The following KCNH2 variants were observed in gnomAD, a reference collection of about 807,000 sequenced individuals.
The protein encoded by KCNH2 is potassium voltage-gated channel subfamily H member 2.
A neutral mutation model predicts 95.9 loss-of-function variants in KCNH2; 35 were observed. The observed-to-expected ratio is 0.37, with a 90% CI of 0.28 to 0.48. KCNH2 has a LOEUF of 0.48. Among genes scored for constraint, KCNH2 ranks in the 20% least tolerant of loss-of-function variants. The pLI is 0.99. For missense variants in KCNH2, 1,274 were observed against 1,702.9 expected (o/e 0.75, Z 4.43); for synonymous variants, 786 against 754.7 (o/e 1.04, Z -0.68).
Position 150,945,427 on chromosome 7 carries a change from C to T in KCNH2, c.3418G>A (p.Gly1140Ser). 2 of 1,575,726 alleles carry T rather than the reference C, an allele frequency of 1.3e-6. No individual in the cohort carries two copies. Among genetic ancestry groups the T allele is most frequent in the Non-Finnish European group, 1.7e-6 (2 of 1,160,790 alleles). The part of the protein sequence containing the change: ...EGPTRRLSLP[G>S]QLGALTSQPL... The stretch of plus-strand genomic sequence containing the variant: ...TGGGAGGTGAGGGCCCCCAGCTGGC[C>T]CGGTAGGGAGAGGCGTCGTGTGGGG... Residue 1140 changes from glycine (G) to serine (S), a missense_variant, in exon 15 of 15, where the codon GGC (glycine) becomes AGC (serine). Physicochemically the swap from Gly to Ser is moderately conservative, Grantham distance 56 (BLOSUM62 0). Coordinates refer to ENST00000262186, the MANE Select transcript of KCNH2 (RefSeq NM_000238.4). The surrounding 1 kb of genome is among the most constrained non-coding windows in gnomAD (Gnocchi z 5.6).
Position 150,950,070 on chromosome 7 carries a change from C to T in KCNH2, c.2398+98G>A, listed in dbSNP as rs545247794. 21 of 1,612,718 alleles carry T rather than the reference C, an allele frequency of 1.3e-5. No homozygotes were observed. In the South Asian group the frequency reaches 2.2e-4, roughly 17 times the overall value. On this transcript the variant is annotated intron_variant, in intron 9 of 14. Coordinates refer to ENST00000262186, the MANE Select transcript of KCNH2 (RefSeq NM_000238.4). ...GAGCCCAGTGACCCTGCAGGCAGTC[C>T]CAGGTCCACAGCCCCAGTGACTGCA...
At position 150,958,348 on chromosome 7, in the gene KCNH2, C is replaced by T; in HGVS notation, c.627G>A (p.Ser209=). The T allele has an allele frequency of 6.7e-7, 1 of 1,488,074 alleles. No individual in the cohort carries two copies. The highest frequency in any genetic ancestry group is 8.9e-7 in the Non-Finnish European group (1 of 1,126,618). The allele number at this position is 1,488,074 out of a possible 1,614,324, so 92.2% of individuals were successfully genotyped here. ...TGGCTGTCACTTCGTCCAGGGCCAG[C>T]GACTCGCTGCTGGGTGCCGCGGGCG... ...DLTPAAPSSE[S]LALDEVTAMD... The change falls in exon 4 of 15, where the codon TCG becomes TCA. Residue 209 remains serine (S), a synonymous_variant. Transcript: ENST00000262186.
intron 2 of KCNH2, among the ~76,000 whole-genome samples, chr7:150,960,329 T>C (rs1335684027): frequency 6.6e-6 from 1 of 152,252 alleles, no homozygotes; most frequent in Non-Finnish European, 1.5e-5. Flanking sequence ...TGTACATATT[T>C]ATGGGGTACA....
Position 150,947,747 on chromosome 7 carries a change from C to A in KCNH2, c.2824G>T (p.Glu942Ter). Residue 942 changes from glutamate to a stop codon, truncating the protein, a stop_gained, in exon 12 of 15, where the codon GAG (glutamate) becomes TAG (stop). Coordinates refer to ENST00000262186, the MANE Select transcript of KCNH2 (RefSeq NM_000238.4). LOFTEE classifies it high-confidence loss of function. The stretch of plus-strand genomic sequence containing the variant: ...GAGCTGCGGCCTGGGCCCTCATCCT[C>A]ACTGCTCTCAGGGCTGGAGGGGCCA... Reference protein sequence around the residue: ...SSGPSSPESSEDEGPGRSSSP... With the variant: ...SSGPSSPESS The A allele has an allele frequency of 6.5e-7, 1 of 1,550,182 alleles. No individual in the cohort carries two copies. Among genetic ancestry groups the A allele is most frequent in the Non-Finnish European group, 8.7e-7 (1 of 1,151,088 alleles).
In KCNH2 at chr7:150,961,376, C is replaced by T. The variant is rs1242657132; in HGVS notation, c.308-1640G>A. ...GCAGCGGCATGATCTTGGCTCACTG[C>T]AACCTCTGCCTCCCAGGTCCAAGTG... On this transcript the variant is annotated intron_variant, in intron 2 of 14. Coordinates refer to ENST00000262186, the MANE Select transcript of KCNH2 (RefSeq NM_000238.4). This position sits in a 1 kb window ranked among gnomAD's most constrained non-coding sequence, Gnocchi z 6.2. Among the ~76,000 whole-genome samples the T allele has an allele frequency of 6.6e-6, 1 of 151,556 alleles. No individual in the cohort carries two copies. Among genetic ancestry groups the T allele is most frequent in the Non-Finnish European group, 1.5e-5 (1 of 67,940 alleles).
Position 150,978,287 on chromosome 7 carries a change from C to T in KCNH2, c.-374G>A, listed in dbSNP as rs949044451. 6.8e-6 allele frequency: 1 copy of T among 146,762 alleles called. No homozygotes were observed. Among genetic ancestry groups the T allele is most frequent in the African/African-American group, 2.5e-5 (1 of 40,768 alleles). The allele number at this position is 146,762 out of a possible 1,614,324, so 9.1% of individuals were successfully genotyped here. A position where few individuals can be genotyped will look rare whatever the true frequency, so the allele number is the denominator to read the frequency against. ...GCCGCTCCAGCGCCCGCGGCTCGGG[C>T]AGCGCCTGCGGCTCGGCCCGGCCGC... On this transcript the variant is annotated 5_prime_UTR_variant, in exon 1 of 15. Coordinates refer to ENST00000262186, the MANE Select transcript of KCNH2 (RefSeq NM_000238.4).
At chr7:150,971,970 C>T (rs888643268) in intron 2 of KCNH2, among the ~76,000 whole-genome samples, 2 of 152,022 alleles carry the variant, frequency 1.3e-5, no homozygotes, top group Admixed American at 1.3e-4. Context: ...CAGGGCCTTG[C>T]GGGGATGTTA....
chr7:150,954,733 G>C (rs935407123), intron 5 of KCNH2, among the ~76,000 whole-genome samples: 8 of 152,168 alleles, frequency 5.3e-5, no homozygotes, highest in African/African-American at 1.9e-4. Context: ...ACTTAGCCCT[G>C]AGCCACCTCC....
rs1032007159 is a variant in KCNH2, at chr7:150,951,843, A to T, written c.1558-8T>A. On this transcript the variant is annotated splice_polypyrimidine_tract_variant and splice_region_variant and intron_variant, in intron 6 of 14. Transcript: ENST00000262186. ...CTTCAGCAGCCCGATCAGCTGGGGG[A>T]CAGGGAAGGGGCACATTCCGTTGAT... The T allele has an allele frequency of 5.8e-6, 9 of 1,563,892 alleles. No individual in the cohort carries two copies. The highest frequency in any genetic ancestry group is 7.8e-6 in the Non-Finnish European group (9 of 1,152,088).
chr7:150,951,551 C>T lies in KCNH2; in HGVS notation c.1842G>A (p.Ala614=), dbSNP rs746863761. Reference sequence around the variant, plus strand: ...TGAGGCTGCTGAAGGTGAAGTAGAGCGCCGTCACATACTTGTCCTTGATGG... The same window carrying T: ...TGAGGCTGCTGAAGGTGAAGTAGAGTGCCGTCACATACTTGTCCTTGATGG... ...GPSIKDKYVT[A]LYFTFSSLTS... The change falls in exon 7 of 15, where the codon GCG becomes GCA. Residue 614 remains alanine, a synonymous_variant. Transcript: ENST00000262186. 62 of 1,614,016 alleles carry T rather than the reference C, an allele frequency of 3.8e-5. No homozygotes were observed. Among genetic ancestry groups the T allele is most frequent in the Non-Finnish European group, 4.4e-5 (52 of 1,180,040 alleles).
At position 150,947,151 on chromosome 7, in the gene KCNH2, C is replaced by A. The variant is rs1800926460; in HGVS notation, c.3153-97G>T. On this transcript the variant is annotated intron_variant, in intron 13 of 14. Transcript: ENST00000262186. Reference sequence around the variant, plus strand: ...GGGAAGGGGAGGGGGGAGGGGCAGCCTGTCAACCCAGGCCCTCCGCGCTAG... The same window carrying A: ...GGGAAGGGGAGGGGGGAGGGGCAGCATGTCAACCCAGGCCCTCCGCGCTAG... The A allele has an allele frequency of 2.7e-6, 3 of 1,094,782 alleles. No individual in the cohort carries two copies. The South Asian group carries it at 4.5e-5, about 16-fold the overall frequency. The allele number at this position is 1,094,782 out of a possible 1,614,324, so 67.8% of individuals were successfully genotyped here.
rs1275553528 is a variant in KCNH2, at chr7:150,946,946, GCC to G, written c.3259_3260del (p.Gly1087ProfsTer31). 1 of 1,604,140 alleles carries G rather than the reference GCC, an allele frequency of 6.2e-7. No homozygotes were observed. ...AYSAVTTPGP[G>X]PTSTSPLLPV... ...GCAACAGCGGGGATGTGGAAGTGGGGCCAGGCCCCGGGGTGGTCACAGCACTG... is the reference window on the plus strand; with the variant it reads ...GCAACAGCGGGGATGTGGAAGTGGGGAGGCCCCGGGGTGGTCACAGCACTG... On this transcript the variant is annotated frameshift_variant, in exon 14 of 15. Transcript: ENST00000262186. LOFTEE classifies it high-confidence loss of function. The surrounding 1 kb of genome is among the most constrained non-coding windows in gnomAD (Gnocchi z 6.5).
Position 150,952,473 on chromosome 7 carries a change from C to T in KCNH2, c.1509G>A (p.Val503=), listed in dbSNP as rs967889413. ...YFKGWFLIDM[V]AAIPFDLLIF... ...TGAGCAGGTCGAAGGGGATGGCGGC[C>T]ACCATGTCGATGAGGAACCAGCCCT... The change falls in exon 6 of 15, where the codon GTG becomes GTA. Residue 503 remains valine, a synonymous_variant. Transcript: ENST00000262186. This position sits in a 1 kb window ranked among gnomAD's most constrained non-coding sequence, Gnocchi z 7.3. 2 of 1,614,150 alleles carry T rather than the reference C, an allele frequency of 1.2e-6. No individual in the cohort carries two copies. Among genetic ancestry groups the T allele is most frequent in the Non-Finnish European group, 1.7e-6 (2 of 1,180,026 alleles).
Position 150,947,371 on chromosome 7 carries a change from C to T in KCNH2, c.3109G>A (p.Asp1037Asn), listed in dbSNP as rs199473023. 50 of 1,547,180 alleles carry T rather than the reference C, an allele frequency of 3.2e-5. No individual in the cohort carries two copies. The highest frequency in any genetic ancestry group is 1.4e-4 in the African/African-American group (10 of 73,078). The change falls in exon 13 of 15, where the codon GAC becomes AAC. Residue 1037 changes from aspartate to asparagine, a missense_variant. Around this residue, in one of 7 missense-constraint regions of KCNH2, gnomAD observed 457 missense variants for 416.1 expected, o/e 1.10. Coordinates refer to ENST00000262186, the MANE Select transcript of KCNH2 (RefSeq NM_000238.4). The part of the protein sequence containing the change: ...LSSPGRRPRG[D>N]VESRLDALQR... ...AGGGCATCCAGCCTGCTCTCCACGT[C>T]GCCCCGGGGCCGCCGACCCGGGCTG...
At chr7:150,960,825 C>T (rs1801546243) in intron 2 of KCNH2, among the ~76,000 whole-genome samples, 1 of 152,156 alleles carries the variant, frequency 6.6e-6, no homozygotes, top group Non-Finnish European at 1.5e-5. Flanking sequence ...TGGTCTCCCT[C>T]AGCTCCCTGT....
At chr7:150,963,080 T>C (rs1285849353) in intron 2 of KCNH2, among the ~76,000 whole-genome samples, 1 of 152,186 alleles carries the variant, frequency 6.6e-6, no homozygotes, top group Non-Finnish European at 1.5e-5. Context: ...CTCCTGCCAG[T>C]GGCCCCAGCT....
Position 150,947,747 on chromosome 7 carries a change from C to T in KCNH2, c.2824G>A (p.Glu942Lys). The T allele has an allele frequency of 6.5e-7, 1 of 1,550,182 alleles. No homozygotes were observed. The highest frequency in any genetic ancestry group is 1.2e-5 in the South Asian group (1 of 84,988). The part of the protein sequence containing the change: ...SSGPSSPESS[E>K]DEGPGRSSSP... The stretch of plus-strand genomic sequence containing the variant: ...GAGCTGCGGCCTGGGCCCTCATCCT[C>T]ACTGCTCTCAGGGCTGGAGGGGCCA... The change falls in exon 12 of 15, where the codon GAG becomes AAG. Residue 942 changes from glutamate (E) to lysine (K), a missense_variant. Transcript: ENST00000262186.
Position 150,947,492 on chromosome 7 carries a change from G to T in KCNH2, c.2988C>A (p.Asn996Lys). 6.3e-7 allele frequency: 1 copy of T among 1,587,374 alleles called. No individual in the cohort carries two copies. The highest frequency in any genetic ancestry group is 8.6e-7 in the Non-Finnish European group (1 of 1,167,874). The change falls in exon 13 of 15, where the codon AAC (asparagine) becomes AAA (lysine). Residue 996 changes from asparagine (N) to lysine (K), a missense_variant. Transcript: ENST00000262186. The stretch of plus-strand genomic sequence containing the variant: ...GACTGTCCCCCCAGAAGCTGAAAAT[G>T]TTGGACACTCCTGAGAAGGCGCCTG... Reference protein sequence around the residue: ...PLSGAFSGVSNIFSFWGDSRG... With the variant: ...PLSGAFSGVSKIFSFWGDSRG...
chr7:150,975,076 C>CT, intron 1 of KCNH2, 135 bp from the exon 2 acceptor site: 1 of 759,476 alleles, frequency 1.3e-6, no homozygotes, highest in East Asian at 2.8e-5. Context: ...GACTGGGGTC[C>CT]CAGCAGGGGG....
Sources: allele counts gnomAD v4.1 joint callset (sites outside exome capture counted in the v4.1 genomes callset), GRCh38; gene constraint gnomAD v4.1.1; regional missense constraint gnomAD v4.1.1; non-coding constraint Gnocchi (gnomAD v3.1); transcripts MANE v1.5; gene names NCBI Gene and HGNC (gene_info 2026-07-23, HGNC 2026-07-21).